Variants in ZNF410 observed in about 807,000 individuals in gnomAD.
ZNF410 encodes the protein another partner for ARF 1.
A neutral mutation model predicts 54.8 loss-of-function variants in ZNF410; 18 were observed. The ratio of observed to expected loss-of-function variants is 0.33; its 90% confidence interval spans 0.23 to 0.49. The LOEUF (loss-of-function observed/expected upper bound fraction) is 0.49, where lower values mean the gene tolerates loss of function less well. Ranked by LOEUF, ZNF410 falls within the 20% of genes least tolerant of loss-of-function variation. The probability of loss-of-function intolerance (pLI) is 0.99; values close to 1 mark genes in which losing one functional copy is unlikely to be tolerated. For synonymous variants in ZNF410, 191 were observed against 207.3 expected (o/e 0.92, Z 0.68); for missense variants, 405 against 569.6 (o/e 0.71, Z 2.94).
At chr14:73,887,663 A>G (rs556387914) in intron 1 of ZNF410, among the ~76,000 whole-genome samples, 47 of 152,354 alleles carry the variant, frequency 3.1e-4, no homozygotes, top group African/African-American at 1.1e-3. Flanking sequence ...TATTTGCAAT[A>G]AATAAAAAAC....
intron 10 of ZNF410, 88 bp from the exon 11 acceptor site, chr14:73,923,307 T>A: frequency 6.9e-7 from 1 of 1,440,136 alleles, no homozygotes; most frequent in Non-Finnish European, 9.3e-7. Context: ...GAATAGAGTT[T>A]TAGAGTTGTT....
intron 8 of ZNF410, among the ~76,000 whole-genome samples, chr14:73,918,130 A>G (rs1208524883): frequency 2.0e-5 from 3 of 152,148 alleles, no homozygotes; most frequent in Non-Finnish European, 4.4e-5. Context: ...ATTTTTTTAG[A>G]TGGAGTCTCG....
chr14:73,904,838 T>C lies in ZNF410; in HGVS notation c.732-64T>C. On this transcript the variant is annotated intron_variant, in intron 6 of 11. Coordinates refer to ENST00000555044, the MANE Select transcript of ZNF410 (RefSeq NM_021188.3). ...TTTGCCTTGAGAGTCAATAGGGGCT[T>C]TGACTTGTCATCTCTAGCAAAGAGT... 1.9e-6 allele frequency: 3 copies of C among 1,551,754 alleles called. No homozygotes were observed. The South Asian group carries it at 3.7e-5, about 19-fold the overall frequency.
chr14:73,891,200 G>A (rs372750332), intron 1 of ZNF410, among the ~76,000 whole-genome samples: 6 of 151,814 alleles, frequency 4.0e-5, no homozygotes, highest in African/African-American at 9.7e-5. Context: ...CCTACCACAC[G>A]GTATAGCTAC....
intron 8 of ZNF410, among the ~76,000 whole-genome samples, chr14:73,919,889 T>G (rs954738313): frequency 6.6e-5 from 9 of 137,242 alleles, no homozygotes; most frequent in African/African-American, 2.7e-4. Context: ...TGTATAGGTT[T>G]TTTTTTTTTT....
chr14:73,892,509 G>T (rs545424905), intron 2 of ZNF410, among the ~76,000 whole-genome samples: 1 of 151,702 alleles, frequency 6.6e-6, no homozygotes, highest in African/African-American at 2.4e-5. Context: ...TGAGATACAT[G>T]TGATGTATAG....
chr14:73,897,350 G>T (rs2055332893), intron 4 of ZNF410, among the ~76,000 whole-genome samples: 1 of 152,080 alleles, frequency 6.6e-6, no homozygotes, highest in Non-Finnish European at 1.5e-5. Context: ...AGTACTTGGG[G>T]TTTTCTAATT....
intron 11 of ZNF410, among the ~76,000 whole-genome samples, chr14:73,930,293 T>G (rs1321641780): frequency 6.6e-6 from 1 of 152,210 alleles, no homozygotes; most frequent in African/African-American, 2.4e-5. Flanking sequence ...AGATTTTGTT[T>G]AAAAGTCTTT....
chr14:73,903,723 ACACCTGG>A, intron 5 of ZNF410: 1 of 505,614 alleles, frequency 2.0e-6, no homozygotes, highest in Non-Finnish European at 3.5e-6. Flanking sequence ...TAGTCTCGGA[ACACCTGG>A]GCTCAAGCAG....
rs2055920323 is a variant in ZNF410, at chr14:73,931,806, A to G, written c.*265A>G. Reference sequence around the variant, plus strand: ...TCTCTTCCCACTGCAAATTTCTGGGATAGACCAAAAGTGAATTTGATTATG... The same window carrying G: ...TCTCTTCCCACTGCAAATTTCTGGGGTAGACCAAAAGTGAATTTGATTATG... On this transcript the variant is annotated 3_prime_UTR_variant, in exon 12 of 12. Transcript: ENST00000555044. 3 of 482,902 alleles carry G rather than the reference A, an allele frequency of 6.2e-6. No homozygotes were observed. The highest frequency in any genetic ancestry group is 5.9e-5 in the African/African-American group (3 of 50,624). 29.9% of individuals were successfully genotyped at this position (482,902 alleles called of 1,614,324 possible). A position where few individuals can be genotyped will look rare whatever the true frequency, so the allele number is the denominator to read the frequency against.
chr14:73,915,724 G>A (rs1005416081), intron 8 of ZNF410: 2 of 152,120 alleles, frequency 1.3e-5, no homozygotes, highest in Non-Finnish European at 1.5e-5. Context: ...TTCCTAGTAT[G>A]TTGAGAATTT....
intron 7 of ZNF410, among the ~76,000 whole-genome samples, chr14:73,906,004 C>CTT (rs1248865870): frequency 8.7e-6 from 1 of 114,690 alleles, no homozygotes; most frequent in Non-Finnish European, 1.7e-5. Context: ...TACACACATA[C>CTT]TTTTTTTTTT....
At chr14:73,925,718 G>A (rs562274689) in intron 11 of ZNF410, among the ~76,000 whole-genome samples, 2 of 152,236 alleles carry the variant, frequency 1.3e-5, no homozygotes, top group South Asian at 4.1e-4. Flanking sequence ...GTGAGCTGCC[G>A]CACTTGGCCC....
At chr14:73,899,962 G>A (rs1314063213) in intron 5 of ZNF410, among the ~76,000 whole-genome samples, 4 of 151,932 alleles carry the variant, frequency 2.6e-5, no homozygotes, top group East Asian at 1.9e-4. Context: ...TTGGGAGGCC[G>A]AGGCAGGCAG....
chr14:73,896,970 GAAA>G (rs1205329970), intron 4 of ZNF410, among the ~76,000 whole-genome samples: 2 of 152,122 alleles, frequency 1.3e-5, no homozygotes, highest in Admixed American at 1.3e-4. Context: ...AGCATAAACA[GAAA>G]AGAAGGCAAG....
chr14:73,897,194 T>G (rs920275930), intron 4 of ZNF410, among the ~76,000 whole-genome samples: 9 of 152,118 alleles, frequency 5.9e-5, no homozygotes, highest in Admixed American at 5.2e-4. Context: ...CAAGAGCAAT[T>G]GTTACTGTGG....
chr14:73,909,664 G>T, intron 8 of ZNF410: 1 of 415,502 alleles, frequency 2.4e-6, no homozygotes, highest in Non-Finnish European at 4.3e-6. Flanking sequence ...GCCTTCTTTT[G>T]AAGAGATCAG....
chr14:73,887,731 C>T (rs1424521532), intron 1 of ZNF410, among the ~76,000 whole-genome samples: 3 of 152,118 alleles, frequency 2.0e-5, no homozygotes, highest in Non-Finnish European at 4.4e-5. Flanking sequence ...TTGGTTTTTT[C>T]TTAGTGTGGT....
chr14:73,930,251 A>G (rs1266587673), intron 11 of ZNF410, among the ~76,000 whole-genome samples: 2 of 152,212 alleles, frequency 1.3e-5, no homozygotes, highest in African/African-American at 2.4e-5. Flanking sequence ...CAAATGGAAT[A>G]TGTGGTTTCT....
Sources: allele counts gnomAD v4.1 joint callset (sites outside exome capture counted in the v4.1 genomes callset), GRCh38; gene constraint gnomAD v4.1.1; transcripts MANE v1.5; gene names NCBI Gene and HGNC (gene_info 2026-07-23, HGNC 2026-07-21).